Variants in IL1RAPL2 observed in about 807,000 individuals in gnomAD.
The protein encoded by IL1RAPL2 is X-linked interleukin-1 receptor accessory protein-like 2.
IL1RAPL2 carries 3 observed loss-of-function variants against 44.1 expected under a neutral mutation model. The observed-to-expected ratio is 0.07, with a 90% confidence interval of 0.03 to 0.18. The LOEUF is 0.18. Ranked by LOEUF, IL1RAPL2 falls within the 10% of genes least tolerant of loss-of-function variation. The pLI, the probability that IL1RAPL2 is intolerant of heterozygous loss-of-function variation, is 1.00. For missense variants in IL1RAPL2, 391 were observed against 496.4 expected, an observed-to-expected ratio of 0.79 and a Z score of 2.02; for synonymous variants, 181 against 178.8, an observed-to-expected ratio of 1.01 and a Z score of -0.10.
At chrX:105,307,132 G>A (rs1603056647) in intron 5 of IL1RAPL2, among the ~76,000 whole-genome samples, 2 of 108,159 alleles carry the variant, frequency 1.8e-5, no homozygotes, top group African/African-American at 6.7e-5. Flanking sequence ...CACAAGAACA[G>A]CATGGGAGAA....
At chrX:105,219,784 G>A (rs782631025) in intron 3 of IL1RAPL2, 23 of 1,177,253 alleles carry the variant, frequency 2.0e-5, no homozygotes, top group African/African-American at 5.3e-5. Flanking sequence ...CAGGGCTGAG[G>A]TGTGTTCTGG....
chrX:104,741,312 C>T (rs777901786), intron 2 of IL1RAPL2, among the ~76,000 whole-genome samples: 4 of 110,768 alleles, frequency 3.6e-5, no homozygotes, highest in East Asian at 2.9e-4. Flanking sequence ...TACTGCCAAC[C>T]GGTCCAGAAA....
chrX:105,665,742 G>T (rs5962563), intron 6 of IL1RAPL2, among the ~76,000 whole-genome samples: 2,598 of 82,476 alleles, frequency 0.032, 97 homozygotes, highest in African/African-American at 0.08. Context: ...TTGTTTTTTT[G>T]TTTTTTTTTT....
intron 3 of IL1RAPL2, among the ~76,000 whole-genome samples, chrX:105,214,344 T>G (rs2033833862): frequency 1.0e-5 from 1 of 95,549 alleles, no homozygotes; most frequent in Non-Finnish European, 1.9e-5. Context: ...AAACAGAGTT[T>G]AAACCAACAA....
chrX:105,640,743 G>GATAGAT lies in IL1RAPL2; in HGVS notation c.773-76574_773-76569dup, dbSNP rs55841072. 9.2e-3 allele frequency among the ~76,000 whole-genome samples: 707 copies of GATAGAT among 77,213 alleles called. 5 individuals carry two copies. The highest frequency in any genetic ancestry group is 0.034 in the South Asian group (43 of 1,258). The allele number at this position is 77,213 out of a possible 115,157, so 67.1% of individuals were successfully genotyped here. A position where few individuals can be genotyped will look rare whatever the true frequency, so the allele number is the denominator to read the frequency against. On this transcript the variant is annotated intron_variant, in intron 6 of 10. Coordinates refer to ENST00000372582, the MANE Select transcript of IL1RAPL2 (RefSeq NM_017416.2). Reference sequence around the variant, plus strand: ...ACACATATCTATATATATAGATATAGATAGATATAGATATAGATATAGATA... The same window carrying GATAGAT: ...ACACATATCTATATATATAGATATAGATAGATATAGATATAGATATAGATATAGATA...
intron 5 of IL1RAPL2, among the ~76,000 whole-genome samples, chrX:105,314,365 G>T (rs1226447963): frequency 9.1e-6 from 1 of 109,675 alleles, no homozygotes; most frequent in Non-Finnish European, 1.9e-5. Flanking sequence ...CAAGGATGAT[G>T]CTCAGCATGA....
intron 2 of IL1RAPL2, among the ~76,000 whole-genome samples, chrX:104,919,911 G>A (rs1924584159): frequency 9.1e-6 from 1 of 110,337 alleles, no homozygotes; most frequent in African/African-American, 3.3e-5. Context: ...ACTTTACAAG[G>A]GTACAATCTT....
At chrX:105,517,577 T>C (rs193210040) in intron 6 of IL1RAPL2, among the ~76,000 whole-genome samples, 1 of 111,400 alleles carries the variant, frequency 9.0e-6, no homozygotes, top group African/African-American at 3.3e-5. Flanking sequence ...TTTTCTACCA[T>C]TTCTACATAT....
chrX:104,678,041 A>G (rs562780204), intron 2 of IL1RAPL2, among the ~76,000 whole-genome samples: 119 of 112,747 alleles, frequency 1.1e-3, no homozygotes, highest in Middle Eastern at 4.6e-3. Context: ...ATGGAAATGC[A>G]GAAATCACCA....
chrX:104,779,278 C>T (rs996402778), intron 2 of IL1RAPL2, among the ~76,000 whole-genome samples: 1 of 112,463 alleles, frequency 8.9e-6, no homozygotes, highest in Admixed American at 9.4e-5. Flanking sequence ...TAGGAACCAT[C>T]TGATGGTCTG....
chrX:105,447,619 A>G (rs2035977445), intron 5 of IL1RAPL2, among the ~76,000 whole-genome samples: 1 of 80,389 alleles, frequency 1.2e-5, no homozygotes, highest in African/African-American at 5.1e-5. Flanking sequence ...ATATATAAAC[A>G]TAAATATATA....
intron 6 of IL1RAPL2, among the ~76,000 whole-genome samples, chrX:105,601,329 C>A (rs970888962): frequency 1.3e-4 from 14 of 110,894 alleles, no homozygotes; most frequent in Admixed American, 9.6e-5. Context: ...ACCTCCTTCA[C>A]AAAGAAGGAC....
intron 2 of IL1RAPL2, among the ~76,000 whole-genome samples, chrX:104,947,510 G>T (rs1370452208): frequency 5.8e-5 from 6 of 102,974 alleles, no homozygotes; most frequent in Non-Finnish European, 1.2e-4. Flanking sequence ...GTCCTGAATG[G>T]TAATGCCTAG....
At chrX:105,443,976 C>T (rs1009321815) in intron 5 of IL1RAPL2, among the ~76,000 whole-genome samples, 4 of 112,157 alleles carry the variant, frequency 3.6e-5, no homozygotes, top group African/African-American at 1.3e-4. Flanking sequence ...ACAAGGGTTC[C>T]CTTTTCTCCA....
chrX:105,250,629 T>C (rs939933084), intron 4 of IL1RAPL2, among the ~76,000 whole-genome samples: 5 of 111,087 alleles, frequency 4.5e-5, no homozygotes, highest in African/African-American at 1.3e-4. Flanking sequence ...AGACAACATG[T>C]TTCTGCATGG....
At chrX:105,620,982 C>T (rs1302510697) in intron 6 of IL1RAPL2, among the ~76,000 whole-genome samples, 1 of 111,185 alleles carries the variant, frequency 9.0e-6, no homozygotes, top group Admixed American at 9.6e-5. Context: ...GGACAGAATT[C>T]TCAAGCACTT....
chrX:105,678,852 A>ATATTGCATAT (rs2037897014), intron 6 of IL1RAPL2, among the ~76,000 whole-genome samples: 1 of 111,259 alleles, frequency 9.0e-6, no homozygotes, highest in Non-Finnish European at 1.9e-5. Context: ...AGGCTAATTT[A>ATATTGCATAT]TATTGCATAT....
At chrX:105,142,232 A>T (rs1384397276) in intron 2 of IL1RAPL2, among the ~76,000 whole-genome samples, 1 of 112,201 alleles carries the variant, frequency 8.9e-6, no homozygotes, top group Non-Finnish European at 1.9e-5. Flanking sequence ...TTTTGCGAAG[A>T]AAAATTGCAC....
At chrX:105,686,594 A>G (rs2037978985) in intron 6 of IL1RAPL2, among the ~76,000 whole-genome samples, 1 of 110,554 alleles carries the variant, frequency 9.0e-6, no homozygotes, top group Non-Finnish European at 1.9e-5. Context: ...ATACTTACAA[A>G]GAGACTTAGA....
Sources: allele counts gnomAD v4.1 joint callset (sites outside exome capture counted in the v4.1 genomes callset), GRCh38; gene constraint gnomAD v4.1.1; transcripts MANE v1.5; gene names NCBI Gene and HGNC (gene_info 2026-07-23, HGNC 2026-07-21).